Variants in DOCK6 observed in about 807,000 individuals in gnomAD.
The protein encoded by DOCK6 is dedicator of cytokinesis 6.
A neutral mutation model predicts 230.3 loss-of-function variants in DOCK6; 167 were observed. The observed-to-expected ratio is 0.73, with a 90% CI of 0.64 to 0.82. The LOEUF (loss-of-function observed/expected upper bound fraction) is 0.82. Among genes scored for constraint, DOCK6 ranks in the 40% least tolerant of loss-of-function variants. The pLI, the probability that DOCK6 is intolerant of heterozygous loss-of-function variation, is 0.00. For missense variants in DOCK6, 2,598 were observed against 2,825.8 expected (o/e 0.92, Z 1.83); for synonymous variants, 1,148 against 1,185.0 (o/e 0.97, Z 0.64).
At chr19:11,241,002 T>C (rs529766469) in intron 14 of DOCK6, among the ~76,000 whole-genome samples, 81 of 151,816 alleles carry the variant, frequency 5.3e-4, no homozygotes, top group South Asian at 1.7e-3. Flanking sequence ...CCCAGCACTT[T>C]GGGTAGCTAA....
rs930798848 is a variant in DOCK6 at position 11,201,414 on chromosome 19, T to C, written c.5689-362A>G. ...CTCTCTGGGTCTGGAATCCCTGGGC[T>C]TCTCCTCCCTGGGCCTTCTTAGATT... On this transcript the variant is annotated intron_variant, in intron 44 of 47. Transcript: ENST00000294618. This position sits in a 1 kb window ranked among gnomAD's most constrained non-coding sequence, Gnocchi z 4.3. 2.0e-5 allele frequency among the ~76,000 whole-genome samples: 3 copies of C among 151,322 alleles called. No individual in the cohort carries two copies. The highest frequency in any genetic ancestry group is 4.4e-5 in the Non-Finnish European group (3 of 67,776).
chr19:11,217,804 G>A (rs2079518152), intron 28 of DOCK6, among the ~76,000 whole-genome samples: 1 of 151,200 alleles, frequency 6.6e-6, no homozygotes, highest in Non-Finnish European at 1.5e-5. Context: ...GTCCCCAAGA[G>A]TGGGTTTCTG....
At chr19:11,248,276 C>G in intron 6 of DOCK6, 125 bp from the exon 7 acceptor site, 1 of 696,234 alleles carries the variant, frequency 1.4e-6, no homozygotes, top group Non-Finnish European at 2.4e-6. Flanking sequence ...ATCCCTGCCT[C>G]TGAGCCTTTA....
rs760426491 is a variant in DOCK6 at position 11,239,707 on chromosome 19, A to G, written c.1644-1403T>C. The G allele has an allele frequency of 9.3e-6, 15 of 1,613,484 alleles. No homozygotes were observed. The South Asian group carries it at 1.6e-4, about 18-fold the overall frequency. On this transcript the variant is annotated intron_variant, in intron 14 of 47. Transcript: ENST00000294618. ...GACCCGGCCTGCCTCAGCGGCCCCC[A>G]TGGGCGGCCCAGAACTGGCACAGCA... is the stretch of plus-strand genomic sequence containing the variant.
At chr19:11,254,841 A>G (rs2080173920) in intron 1 of DOCK6, among the ~76,000 whole-genome samples, 2 of 152,098 alleles carry the variant, frequency 1.3e-5, no homozygotes, top group East Asian at 1.9e-4. Flanking sequence ...CCATGCAGTT[A>G]CCTGAGGGTA....
Position 11,237,483 on chromosome 19 carries a change from C to T in DOCK6, c.2046G>A (p.Pro682=), listed in dbSNP as rs201212364. ...CGGGTGTGAGCACGGAATAGCTGGG[C>T]GGCGGCTGGTCCACAGACACTGGGA... The part of the protein sequence containing the change: ...FCLPVSVDQP[P]PSYSVLTPDV... The change falls in exon 18 of 48, where the codon CCG becomes CCA. Residue 682 remains proline (P), a synonymous_variant. Coordinates refer to ENST00000294618, the MANE Select transcript of DOCK6 (RefSeq NM_020812.4). 19 of 1,613,442 alleles carry T rather than the reference C, an allele frequency of 1.2e-5. No individual in the cohort carries two copies. The highest frequency in any genetic ancestry group is 2.2e-5 in the South Asian group (2 of 91,060).
intron 18 of DOCK6, 46 bp downstream of exon 18, chr19:11,237,410 C>G (rs563171670): frequency 1.2e-6 from 2 of 1,608,384 alleles, no homozygotes; most frequent in African/African-American, 2.7e-5. Context: ...CTCGGGAGTG[C>G]TTCTGGGGAC....
At chr19:11,233,083 A>C in intron 22 of DOCK6, 120 bp downstream of exon 22, 1 of 1,345,680 alleles carries the variant, frequency 7.4e-7, no homozygotes, top group Non-Finnish European at 1.0e-6. Context: ...GCCCAGAGTG[A>C]CGCCTTCATT....
chr19:11,200,682 A>T lies in DOCK6; in HGVS notation c.5939+34T>A, dbSNP rs2079153757. The T allele has an allele frequency of 6.3e-7, 1 of 1,583,826 alleles. No individual in the cohort carries two copies. Among genetic ancestry groups the T allele is most frequent in the Non-Finnish European group, 8.6e-7 (1 of 1,164,902 alleles). Reference sequence around the variant, plus strand: ...GAGCAGGCCTATGCAGGTTAGGCAGACACGAGACCCCTCCTGGGGGGTTTT... The same window carrying T: ...GAGCAGGCCTATGCAGGTTAGGCAGTCACGAGACCCCTCCTGGGGGGTTTT... On this transcript the variant is annotated intron_variant, in intron 46 of 47. Transcript: ENST00000294618. The surrounding 1 kb of genome is among the most constrained non-coding windows in gnomAD (Gnocchi z 4.3).
Position 11,236,585 on chromosome 19 carries a change from G to C in DOCK6, c.2161-8C>G. ...TTTGTCCAGGTAGGGGTCCTGGGTA[G>C]GGATGTGGAGTGAGCAGGGTGGGGC... On this transcript the variant is annotated splice_polypyrimidine_tract_variant and splice_region_variant and intron_variant, in intron 19 of 47. Coordinates refer to ENST00000294618, the MANE Select transcript of DOCK6 (RefSeq NM_020812.4). The surrounding 1 kb of genome is among the most constrained non-coding windows in gnomAD (Gnocchi z 5.2). The C allele has an allele frequency of 6.4e-7, 1 of 1,571,194 alleles. No individual in the cohort carries two copies. Among genetic ancestry groups the C allele is most frequent in the Non-Finnish European group, 8.6e-7 (1 of 1,157,964 alleles).
chr19:11,229,213 C>T, intron 22 of DOCK6, 178 bp from the exon 23 acceptor site: 1 of 1,292,094 alleles, frequency 7.7e-7, no homozygotes, highest in South Asian at 1.7e-5. Flanking sequence ...CCAGACCCCC[C>T]TGGACTCTGG....
At position 11,201,144 on chromosome 19, in the gene DOCK6, G is replaced by A. The variant is rs2079163039; in HGVS notation, c.5689-92C>T. The stretch of plus-strand genomic sequence containing the variant: ...GGGCAGCTCAGACCCCGCTGGGAGT[G>A]AGAGGGGTCCAAGAACCCAGGCAAT... On this transcript the variant is annotated intron_variant, in intron 44 of 47. Transcript: ENST00000294618. This position sits in a 1 kb window ranked among gnomAD's most constrained non-coding sequence, Gnocchi z 4.3. 2 of 1,479,018 alleles carry A rather than the reference G, an allele frequency of 1.4e-6. No individual in the cohort carries two copies. Among genetic ancestry groups the A allele is most frequent in the Non-Finnish European group, 1.8e-6 (2 of 1,089,076 alleles). 91.6% of individuals were successfully genotyped at this position (1,479,018 alleles called of 1,614,324 possible). A position where few individuals can be genotyped will look rare whatever the true frequency, so the allele number is the denominator to read the frequency against.
Position 11,204,235 on chromosome 19 carries a change from T to G in DOCK6, c.5185A>C (p.Lys1729Gln). ...DYKKLAAVHG[K>Q]LQEAFTKIMH... ...ATCTTGGTGAAGGCCTCCTGCAGTTTGCCGTGCACCGCGGCCAGCTTCTTG... is the reference window on the plus strand; with the variant it reads ...ATCTTGGTGAAGGCCTCCTGCAGTTGGCCGTGCACCGCGGCCAGCTTCTTG... Residue 1729 changes from lysine to glutamine, a missense_variant, in exon 40 of 48, where the codon AAA becomes CAA. By Grantham distance (53) the Lys-to-Gln change is moderately conservative (BLOSUM62 1). Transcript: ENST00000294618. 6.3e-7 allele frequency: 1 copy of G among 1,577,684 alleles called. No individual in the cohort carries two copies. Among genetic ancestry groups the G allele is most frequent in the Non-Finnish European group, 8.6e-7 (1 of 1,160,056 alleles).
rs755989369 is a variant in DOCK6, at chr19:11,221,894, TAGC to T, written c.3504_3506del (p.Leu1169del). ...GTGGCAAGGTATCCCGTGCAATCGA[TAGC>T]AGTGGCAGGTACAGCTCGGCCACAC... is the stretch of plus-strand genomic sequence containing the variant. On this transcript the variant is annotated inframe_deletion, in exon 28 of 48. Transcript: ENST00000294618. 4 of 1,613,616 alleles carry T rather than the reference TAGC, an allele frequency of 2.5e-6. No individual in the cohort carries two copies. Among genetic ancestry groups the T allele is most frequent in the Non-Finnish European group, 3.4e-6 (4 of 1,179,868 alleles).
chr19:11,217,267 AG>A lies in DOCK6; in HGVS notation c.3674del (p.Pro1225LeufsTer37), dbSNP rs762705793. ...CCTGGGAGATGCTGGCCCGGGAGCC[AG>A]GGGCTAGGGGGCCACCAGCAATGGC... ...AMAIAGGPLA[P>X]GSRASISQGP... On this transcript the variant is annotated frameshift_variant, in exon 29 of 48. Coordinates refer to ENST00000294618, the MANE Select transcript of DOCK6 (RefSeq NM_020812.4). LOFTEE classifies it high-confidence loss of function. 9 of 1,612,702 alleles carry A rather than the reference AG, an allele frequency of 5.6e-6. No homozygotes were observed. Among genetic ancestry groups the A allele is most frequent in the Non-Finnish European group, 7.6e-6 (9 of 1,179,648 alleles).
At position 11,217,015 on chromosome 19, in the gene DOCK6, C is replaced by T. The variant is rs2079500322; in HGVS notation, c.3793G>A (p.Glu1265Lys). 9 of 1,613,672 alleles carry T rather than the reference C, an allele frequency of 5.6e-6. No homozygotes were observed. The highest frequency in any genetic ancestry group is 1.1e-5 in the South Asian group (1 of 91,082). ...GCCCAGCGCTGCAGGAGCGCCGGCTCGGTGTTTTTCAGCACCCACAGCACA... is the reference window on the plus strand; with the variant it reads ...GCCCAGCGCTGCAGGAGCGCCGGCTTGGTGTTTTTCAGCACCCACAGCACA... ...ACVLWVLKNTEPALLQRWATD... is the reference protein window; with the variant it reads ...ACVLWVLKNTKPALLQRWATD... Residue 1265 changes from glutamate (E) to lysine (K), a missense_variant, in exon 30 of 48, where the codon GAG becomes AAG. Physicochemically the swap from Glu to Lys is moderately conservative, Grantham distance 56. Coordinates refer to ENST00000294618, the MANE Select transcript of DOCK6 (RefSeq NM_020812.4).
chr19:11,242,448 G>A (rs1471812567), intron 13 of DOCK6, among the ~76,000 whole-genome samples: 1 of 151,988 alleles, frequency 6.6e-6, no homozygotes, highest in Non-Finnish European at 1.5e-5. Flanking sequence ...CTGGAGTGCA[G>A]TGGGGCGATC....
At chr19:11,256,703 G>A (rs547759794) in intron 1 of DOCK6, among the ~76,000 whole-genome samples, 27 of 152,272 alleles carry the variant, frequency 1.8e-4, no homozygotes, top group Admixed American at 9.8e-4. Context: ...TTGAGACAGA[G>A]TTTAGCTCTT....
intron 1 of DOCK6, among the ~76,000 whole-genome samples, chr19:11,260,035 C>T (rs1013533432): frequency 1.3e-5 from 2 of 151,800 alleles, no homozygotes; most frequent in African/African-American, 4.8e-5. Context: ...GTCTAATATT[C>T]GGGTTAATCT....
Sources: gnomAD v4.1 joint callset for allele counts (sites outside exome capture counted in the v4.1 genomes callset) on GRCh38, gnomAD v4.1.1 for gene constraint, Gnocchi (gnomAD v3.1) non-coding constraint, MANE v1.5 for transcripts, NCBI Gene and HGNC (gene_info 2026-07-23, HGNC 2026-07-21) for gene names.